APPBP2: variants seen among roughly 807,000 people sequenced by gnomAD.
APPBP2 encodes the protein amyloid beta precursor protein binding protein 2, also known as amyloid protein-binding protein 2.
A neutral mutation model predicts 76.0 loss-of-function variants in APPBP2; 15 were observed. The ratio of observed to expected loss-of-function variants is 0.20; its 90% CI spans 0.13 to 0.30. The LOEUF (loss-of-function observed/expected upper bound fraction) is 0.30. Ranked by LOEUF, APPBP2 falls within the 10% of genes least tolerant of loss-of-function variation. The pLI, the probability that APPBP2 is intolerant of heterozygous loss-of-function variation, is 1.00. For synonymous variants in APPBP2, 222 were observed against 242.2 expected, an observed-to-expected ratio of 0.92 and a Z score of 0.77; for missense variants, 401 against 687.2, an observed-to-expected ratio of 0.58 and a Z score of 4.66.
intron 3 of APPBP2, among the ~76,000 whole-genome samples, chr17:60,489,753 G>A (rs541520870): frequency 6.6e-6 from 1 of 152,110 alleles, no homozygotes; most frequent in South Asian, 2.1e-4. Flanking sequence ...AACAAAAGTA[G>A]GGCTGGGTGC....
Position 60,443,390 on chromosome 17 carries a change from T to C in APPBP2, c.*4191A>G, listed in dbSNP as rs1014043953. The C allele has an allele frequency of 3.3e-5, 5 of 152,660 alleles. No homozygotes were observed. Among genetic ancestry groups the C allele is most frequent in the Non-Finnish European group, 4.4e-5 (3 of 68,044 alleles). The allele number at this position is 152,660 out of a possible 1,614,324, so 9.5% of individuals were successfully genotyped here. On this transcript the variant is annotated 3_prime_UTR_variant, in exon 13 of 13. Transcript: ENST00000083182. ...TTCTATAGAAATTATTGTGGCACTATTAGTGGGGATTTTCACGTAAAGATT... is the reference window on the plus strand; with the variant it reads ...TTCTATAGAAATTATTGTGGCACTACTAGTGGGGATTTTCACGTAAAGATT...
chr17:60,447,555 G>C lies in APPBP2; in HGVS notation c.*26C>G, dbSNP rs759904665. On this transcript the variant is annotated 3_prime_UTR_variant, in exon 13 of 13. Transcript: ENST00000083182. ...ATGAATTCCCTGGAATCCGGGAAAA[G>C]GTAATTGGTTAACTGAGGTCCTCCC... 109 of 1,577,610 alleles carry C rather than the reference G, an allele frequency of 6.9e-5. No individual in the cohort carries two copies. Among genetic ancestry groups the C allele is most frequent in the Non-Finnish European group, 8.5e-5 (99 of 1,162,494 alleles).
At chr17:60,525,330 C>T (rs896823419) in intron 1 of APPBP2, among the ~76,000 whole-genome samples, 5 of 152,096 alleles carry the variant, frequency 3.3e-5, no homozygotes, top group Non-Finnish European at 7.4e-5. Flanking sequence ...GAACACGAAG[C>T]AAAAACACCA....
chr17:60,493,389 A>C (rs1567933600), intron 3 of APPBP2, among the ~76,000 whole-genome samples: 1 of 152,226 alleles, frequency 6.6e-6, no homozygotes, highest in Non-Finnish European at 1.5e-5. Flanking sequence ...ACACACATCT[A>C]AACAGATTTG....
intron 2 of APPBP2, among the ~76,000 whole-genome samples, chr17:60,497,984 C>A (rs1473788638): frequency 6.6e-6 from 1 of 151,906 alleles, no homozygotes; most frequent in African/African-American, 2.4e-5. Context: ...ACTAAAAATA[C>A]AAAAAATTAC....
intron 1 of APPBP2, chr17:60,513,636 A>G: frequency 4.1e-6 from 1 of 241,784 alleles, no homozygotes; most frequent in Non-Finnish European, 8.0e-6. Flanking sequence ...CCAAAGCGGG[A>G]GGATCACCTG....
chr17:60,501,969 G>T (rs1456268742), intron 1 of APPBP2, among the ~76,000 whole-genome samples: 4 of 152,148 alleles, frequency 2.6e-5, no homozygotes, highest in African/African-American at 4.8e-5. Context: ...GCTCACGAAG[G>T]AAAGGCAGAA....
intron 1 of APPBP2, among the ~76,000 whole-genome samples, chr17:60,518,300 G>A (rs1045877625): frequency 1.3e-5 from 2 of 151,738 alleles, no homozygotes; most frequent in African/African-American, 2.4e-5. Flanking sequence ...GCCTGCCTCG[G>A]CCTCTCAAAG....
chr17:60,508,778 C>A (rs1053131725), intron 1 of APPBP2, among the ~76,000 whole-genome samples: 1 of 152,134 alleles, frequency 6.6e-6, no homozygotes, highest in Non-Finnish European at 1.5e-5. Context: ...AACTCAGAAT[C>A]TGGCATTAAA....
intron 1 of APPBP2, among the ~76,000 whole-genome samples, chr17:60,524,531 G>T (rs1003085837): frequency 6.8e-6 from 1 of 147,332 alleles, no homozygotes; most frequent in East Asian, 1.9e-4. Context: ...ATATTTAGGG[G>T]GGAAACCCCA....
chr17:60,478,610 AG>A (rs2090607426), intron 4 of APPBP2, among the ~76,000 whole-genome samples: 1 of 152,222 alleles, frequency 6.6e-6, no homozygotes, highest in African/African-American at 2.4e-5. Flanking sequence ...TCTATGACAA[AG>A]CAAAAAGATA....
intron 3 of APPBP2, among the ~76,000 whole-genome samples, chr17:60,489,457 A>C (rs2090708206): frequency 6.6e-6 from 1 of 151,794 alleles, no homozygotes; most frequent in Non-Finnish European, 1.5e-5. Flanking sequence ...CTAAAAACAC[A>C]AAAATTAGAT....
chr17:60,479,166 G>A lies in APPBP2; in HGVS notation c.485C>T (p.Ala162Val), dbSNP rs777165143. 5 of 1,612,500 alleles carry A rather than the reference G, an allele frequency of 3.1e-6. No individual in the cohort carries two copies. Among genetic ancestry groups the A allele is most frequent in the African/African-American group, 1.3e-5 (1 of 74,838 alleles). ...LHDEMLHWFR[A>V]VECCVRLLHV... ...AACTTACCTCACACAACATTCTACTGCACGAAACCAATGAAGCATCTCATC... is the reference window on the plus strand; with the variant it reads ...AACTTACCTCACACAACATTCTACTACACGAAACCAATGAAGCATCTCATC... The change falls in exon 4 of 13, where the codon GCA (alanine) becomes GTA (valine). Residue 162 changes from alanine (A) to valine (V), a missense_variant. By Grantham distance (64) the Ala-to-Val change is moderately conservative. Coordinates refer to ENST00000083182, the MANE Select transcript of APPBP2 (RefSeq NM_006380.5).
chr17:60,523,523 C>T (rs755852039), intron 1 of APPBP2, among the ~76,000 whole-genome samples: 1 of 151,918 alleles, frequency 6.6e-6, no homozygotes, highest in South Asian at 2.1e-4. Context: ...TATGTATATG[C>T]TAATAGTGTT....
At chr17:60,491,367 G>A (rs2090727598) in intron 3 of APPBP2, among the ~76,000 whole-genome samples, 1 of 152,124 alleles carries the variant, frequency 6.6e-6, no homozygotes, top group African/African-American at 2.4e-5. Flanking sequence ...AAGCAACAAA[G>A]CATTTAAGAG....
intron 9 of APPBP2, among the ~76,000 whole-genome samples, chr17:60,458,434 T>G (rs2090448144): frequency 7.5e-6 from 1 of 133,572 alleles, no homozygotes; most frequent in South Asian, 2.1e-4. Flanking sequence ...AGACTCTGTC[T>G]CAAAAAAAAA....
chr17:60,477,397 G>A (rs2090598543), intron 4 of APPBP2: 2 of 152,094 alleles, frequency 1.3e-5, no homozygotes. Flanking sequence ...AATAATCTAT[G>A]ATAAAAATCA....
intron 1 of APPBP2, among the ~76,000 whole-genome samples, chr17:60,522,874 A>T (rs577709193): frequency 0.073 from 10,734 of 146,792 alleles, 1,248 homozygotes; most frequent in African/African-American, 0.26. Flanking sequence ...TTTTTTTTTT[A>T]AAAAAAAGAA....
intron 10 of APPBP2, among the ~76,000 whole-genome samples, chr17:60,455,070 A>G (rs574398827): frequency 6.6e-6 from 1 of 152,322 alleles, no homozygotes; most frequent in Non-Finnish European, 1.5e-5. Flanking sequence ...AAAACTGTCT[A>G]TGTACACAAA....
Sources: allele counts gnomAD v4.1 joint callset (sites outside exome capture counted in the v4.1 genomes callset), GRCh38; gene constraint gnomAD v4.1.1; transcripts MANE v1.5; gene names NCBI Gene and HGNC (gene_info 2026-07-23, HGNC 2026-07-21).